The following HIF1AN variants were observed in gnomAD, a reference collection of about 807,000 sequenced individuals.
HIF1AN encodes hypoxia-inducible factor 1-alpha inhibitor.
In HIF1AN, 21 loss-of-function variants were observed where a neutral mutation model predicts 47.7. The observed-to-expected ratio is 0.44, with a 90% confidence interval of 0.31 to 0.63. HIF1AN has a LOEUF of 0.63. Ranked by LOEUF, HIF1AN falls within the 30% of genes least tolerant of loss-of-function variation. The pLI, the probability that HIF1AN is intolerant of heterozygous loss-of-function variation, is 0.07. For synonymous variants in HIF1AN, 152 were observed against 155.9 expected, an observed-to-expected ratio of 0.98 and a Z score of 0.18; for missense variants, 320 against 432.7, an observed-to-expected ratio of 0.74 and a Z score of 2.31.
At chr10:100,540,860 C>G in intron 3 of HIF1AN, 78 bp downstream of exon 3, 1 of 1,297,880 alleles carries the variant, frequency 7.7e-7, no homozygotes, top group Non-Finnish European at 1.0e-6. Flanking sequence ...CGCTTATTAG[C>G]TCCATGACTT....
intron 5 of HIF1AN, 102 bp from the exon 6 acceptor site, chr10:100,546,416 C>T: frequency 1.2e-6 from 1 of 837,136 alleles, no homozygotes; most frequent in Non-Finnish European, 2.0e-6. Flanking sequence ...AACTGGACTC[C>T]ACCTAGTTTT....
chr10:100,544,561 T>C (rs1043557523), intron 3 of HIF1AN, among the ~76,000 whole-genome samples: 16 of 152,242 alleles, frequency 1.1e-4, no homozygotes, highest in African/African-American at 3.9e-4. Context: ...TATATGTTGT[T>C]GATACCAGTC....
intron 3 of HIF1AN, among the ~76,000 whole-genome samples, chr10:100,542,576 C>T (rs1252328556): frequency 6.6e-6 from 1 of 152,050 alleles, no homozygotes; most frequent in South Asian, 2.1e-4. Context: ...AGGATGGTCT[C>T]GATATCCTGA....
At position 100,550,795 on chromosome 10, in the gene HIF1AN, T is replaced by C. The variant is rs1843150254; in HGVS notation, c.*2658T>C. ...TCCTCCCGGCATGCTTTTGCATCTA[T>C]AGAACTGAAGCTGTAGTTCTAGATG... On this transcript the variant is annotated 3_prime_UTR_variant, in exon 8 of 8. Coordinates refer to ENST00000299163, the MANE Select transcript of HIF1AN (RefSeq NM_017902.3). The C allele has an allele frequency of 6.6e-6, 1 of 152,240 alleles. No homozygotes were observed. The highest frequency in any genetic ancestry group is 2.1e-4 in the South Asian group (1 of 4,832). 9.4% of individuals were successfully genotyped at this position (152,240 alleles called of 1,614,324 possible). A position where few individuals can be genotyped will look rare whatever the true frequency, so the allele number is the denominator to read the frequency against.
chr10:100,543,367 A>G (rs1404186007), intron 3 of HIF1AN, among the ~76,000 whole-genome samples: 1 of 151,608 alleles, frequency 6.6e-6, no homozygotes. Flanking sequence ...TTTTTAAAGT[A>G]TTTTTCTGTA....
At chr10:100,536,229 C>A in intron 1 of HIF1AN, 94 bp downstream of exon 1, 1 of 1,360,280 alleles carries the variant, frequency 7.4e-7, no homozygotes, top group Non-Finnish European at 1.0e-6. Context: ...ACTGGCAGGG[C>A]TCTAGACTAG....
chr10:100,536,319 G>T, intron 1 of HIF1AN, 92 bp from the exon 2 acceptor site: 1 of 1,467,824 alleles, frequency 6.8e-7, no homozygotes, highest in Non-Finnish European at 9.3e-7. Context: ...AAATTATTCT[G>T]AAGTTGAGAA....
intron 3 of HIF1AN, among the ~76,000 whole-genome samples, chr10:100,544,610 A>G (rs1843077177): frequency 6.6e-6 from 1 of 152,226 alleles, no homozygotes; most frequent in African/African-American, 2.4e-5. Flanking sequence ...GCCGTAGTCA[A>G]GAAGAGTACA....
intron 2 of HIF1AN, among the ~76,000 whole-genome samples, chr10:100,539,650 A>G (rs10883511): frequency 0.22 from 32,931 of 152,224 alleles, 3,669 homozygotes; most frequent in African/African-American, 0.23. Flanking sequence ...CTGTGGCAGA[A>G]GGAAAGAGAT....
chr10:100,539,705 A>T (rs1477275421), intron 2 of HIF1AN, among the ~76,000 whole-genome samples: 1 of 152,246 alleles, frequency 6.6e-6, no homozygotes, highest in Non-Finnish European at 1.5e-5. Flanking sequence ...GAAACAACAC[A>T]AGTCGCTTCT....
At position 100,555,403 on chromosome 10, in the gene HIF1AN, A is replaced by C. The variant is rs1037204900; in HGVS notation, c.*7266A>C. On this transcript the variant is annotated 3_prime_UTR_variant, in exon 8 of 8. Coordinates refer to ENST00000299163, the MANE Select transcript of HIF1AN (RefSeq NM_017902.3). ...AGACCCTACTTGGAAGAAATGTTGAATCAAGCTACTCAGACTTCAGCCTGA... is the reference window on the plus strand; with the variant it reads ...AGACCCTACTTGGAAGAAATGTTGACTCAAGCTACTCAGACTTCAGCCTGA... 4.6e-5 allele frequency: 7 copies of C among 152,234 alleles called. No homozygotes were observed. The highest frequency in any genetic ancestry group is 3.2e-3 in the Middle Eastern group (1 of 316). The allele number at this position is 152,234 out of a possible 1,614,324, so 9.4% of individuals were successfully genotyped here.
chr10:100,543,244 C>A (rs1004208671), intron 3 of HIF1AN, among the ~76,000 whole-genome samples: 3 of 152,120 alleles, frequency 2.0e-5, no homozygotes, highest in African/African-American at 7.2e-5. Flanking sequence ...TGCTGGTGTG[C>A]AGTGGCATGA....
intron 3 of HIF1AN, among the ~76,000 whole-genome samples, chr10:100,543,287 T>G (rs1843062370): frequency 6.6e-6 from 1 of 152,126 alleles, no homozygotes; most frequent in Non-Finnish European, 1.5e-5. Flanking sequence ...CCTCCCAGTC[T>G]CAAACGATCC....
chr10:100,538,961 A>G (rs1010266365), intron 2 of HIF1AN, among the ~76,000 whole-genome samples: 1 of 139,058 alleles, frequency 7.2e-6, no homozygotes, highest in Non-Finnish European at 1.5e-5. Context: ...GCTGGAGTGC[A>G]GTGGCATGAT....
chr10:100,538,631 G>T (rs1423762491), intron 2 of HIF1AN, among the ~76,000 whole-genome samples: 3 of 151,944 alleles, frequency 2.0e-5, no homozygotes, highest in Non-Finnish European at 4.4e-5. Flanking sequence ...GACCAGCGTG[G>T]CTAACGTGGT....
In HIF1AN at chr10:100,559,772, C is replaced by T. The variant is rs1843242608; in HGVS notation, c.*11635C>T. 2 of 152,040 alleles carry T rather than the reference C, an allele frequency of 1.3e-5. No individual in the cohort carries two copies. The highest frequency in any genetic ancestry group is 4.8e-5 in the African/African-American group (2 of 41,380). The allele number at this position is 152,040 out of a possible 1,614,324, so 9.4% of individuals were successfully genotyped here. On this transcript the variant is annotated 3_prime_UTR_variant, in exon 8 of 8. Transcript: ENST00000299163. ...GAATATAAATTGTTTCTATATAACCCAAAGTCACTCTCATTGACATTAAGA... is the reference window on the plus strand; with the variant it reads ...GAATATAAATTGTTTCTATATAACCTAAAGTCACTCTCATTGACATTAAGA...
Position 100,556,821 on chromosome 10 carries a change from A to G in HIF1AN, c.*8684A>G, listed in dbSNP as rs1171754534. Reference sequence around the variant, plus strand: ...ATAGCACATAACTTGTAGCATTGTTATAAGGGCTCGTGATAATGTTTTTAA... The same window carrying G: ...ATAGCACATAACTTGTAGCATTGTTGTAAGGGCTCGTGATAATGTTTTTAA... On this transcript the variant is annotated 3_prime_UTR_variant, in exon 8 of 8. Transcript: ENST00000299163. The G allele has an allele frequency of 2.0e-5, 3 of 152,170 alleles. No homozygotes were observed. Among genetic ancestry groups the G allele is most frequent in the Non-Finnish European group, 4.4e-5 (3 of 68,040 alleles). 9.4% of individuals were successfully genotyped at this position (152,170 alleles called of 1,614,324 possible).
Position 100,545,925 on chromosome 10 carries a change from T to G in HIF1AN, c.724-18T>G, listed in dbSNP as rs371834550. ...ATTTGGTGATTGATATTTTTTTTCT[T>G]TCTCTTGAACCTCTTAGGTGGACTT... is the stretch of plus-strand genomic sequence containing the variant. On this transcript the variant is annotated intron_variant, in intron 4 of 7. Transcript: ENST00000299163. 1 of 1,556,278 alleles carries G rather than the reference T, an allele frequency of 6.4e-7. No homozygotes were observed. The highest frequency in any genetic ancestry group is 1.4e-5 in the African/African-American group (1 of 73,620).
Position 100,554,428 on chromosome 10 carries a change from G to C in HIF1AN, c.*6291G>C, listed in dbSNP as rs1843196569. On this transcript the variant is annotated 3_prime_UTR_variant, in exon 8 of 8. Transcript: ENST00000299163. Reference sequence around the variant, plus strand: ...GAGGCAGGAGGATCACTTGAGCCCAGGAGTTCGAACCAACCTTGGGCAGCA... The same window carrying C: ...GAGGCAGGAGGATCACTTGAGCCCACGAGTTCGAACCAACCTTGGGCAGCA... The C allele has an allele frequency of 6.6e-6, 1 of 152,096 alleles. No homozygotes were observed. The highest frequency in any genetic ancestry group is 1.9e-4 in the East Asian group (1 of 5,196). The allele number at this position is 152,096 out of a possible 1,614,324, so 9.4% of individuals were successfully genotyped here. A position where few individuals can be genotyped will look rare whatever the true frequency, so the allele number is the denominator to read the frequency against.
Sources: gnomAD v4.1 joint callset for allele counts (sites outside exome capture counted in the v4.1 genomes callset) on GRCh38, gnomAD v4.1.1 for gene constraint, MANE v1.5 for transcripts, NCBI Gene and HGNC (gene_info 2026-07-23, HGNC 2026-07-21) for gene names.